Variants in NRG3 observed in about 807,000 individuals in gnomAD.
NRG3 encodes pro-neuregulin-3, membrane-bound isoform.
In NRG3, 31 loss-of-function variants were observed where a neutral mutation model predicts 66.9. That is an observed-to-expected ratio of 0.46 (90% CI 0.35 to 0.63). The LOEUF is 0.63. NRG3 is among the 20% of genes least tolerant of loss of function. NRG3 has a pLI of 0.00. For synonymous variants in NRG3, 393 were observed against 359.4 expected, an observed-to-expected ratio of 1.09 and a Z score of -1.06; for missense variants, 910 against 878.9, an observed-to-expected ratio of 1.04 and a Z score of -0.45.
At chr10:81,876,441 C>G (rs940072574) in intron 1 of NRG3, among the ~76,000 whole-genome samples, 5 of 152,198 alleles carry the variant, frequency 3.3e-5, no homozygotes, top group African/African-American at 1.2e-4. Flanking sequence ...TCTCCCAACT[C>G]CCTTCAAAGG....
At chr10:82,515,370 A>G (rs1845559695) in intron 2 of NRG3, among the ~76,000 whole-genome samples, 1 of 152,220 alleles carries the variant, frequency 6.6e-6, no homozygotes, top group African/African-American at 2.4e-5. Flanking sequence ...TTCATCTGTT[A>G]GGAGATTACC....
chr10:81,884,014 C>A (rs1282581897), intron 1 of NRG3, among the ~76,000 whole-genome samples: 1 of 152,164 alleles, frequency 6.6e-6, no homozygotes, highest in Non-Finnish European at 1.5e-5. Context: ...GATTGAAAAA[C>A]AATCATATCT....
chr10:82,355,374 T>A (rs1258215133), intron 1 of NRG3, among the ~76,000 whole-genome samples: 1 of 152,226 alleles, frequency 6.6e-6, no homozygotes, highest in Non-Finnish European at 1.5e-5. Context: ...TACATTTTAT[T>A]TTTGGCTCAT....
chr10:82,720,835 A>ATC (rs1233335343), intron 2 of NRG3, among the ~76,000 whole-genome samples: 21 of 96,774 alleles, frequency 2.2e-4, no homozygotes, highest in Non-Finnish European at 3.9e-4. Flanking sequence ...ATATATATAT[A>ATC]TATATATCAC....
At chr10:82,399,900 A>T (rs564513101) in intron 2 of NRG3, among the ~76,000 whole-genome samples, 1 of 152,294 alleles carries the variant, frequency 6.6e-6, no homozygotes, top group Admixed American at 6.5e-5. Context: ...AAATATATAA[A>T]TTTATCTACA....
chr10:82,020,244 TAAGAA>T (rs1366738509), intron 1 of NRG3, among the ~76,000 whole-genome samples: 13 of 152,168 alleles, frequency 8.5e-5, no homozygotes, highest in Non-Finnish European at 1.8e-4. Flanking sequence ...CAATTTACTT[TAAGAA>T]AAGAAATCAC....
chr10:82,465,687 G>T (rs892523873), intron 2 of NRG3, among the ~76,000 whole-genome samples: 1 of 152,124 alleles, frequency 6.6e-6, no homozygotes, highest in Non-Finnish European at 1.5e-5. Context: ...CTTAGGGGGT[G>T]GGGGGCAGCA....
intron 2 of NRG3, among the ~76,000 whole-genome samples, chr10:82,450,663 G>A (rs904491607): frequency 6.6e-6 from 1 of 152,078 alleles, no homozygotes; most frequent in East Asian, 1.9e-4. Flanking sequence ...CTCTGCTCAG[G>A]TGGATTTTTA....
intron 4 of NRG3, among the ~76,000 whole-genome samples, chr10:82,925,916 C>A (rs964387474): frequency 1.3e-5 from 2 of 152,202 alleles, no homozygotes. Flanking sequence ...GATGGCAAGG[C>A]AAGCAGGGCA....
intron 1 of NRG3, among the ~76,000 whole-genome samples, chr10:82,127,616 A>G (rs1430689122): frequency 6.6e-6 from 1 of 152,034 alleles, no homozygotes; most frequent in Admixed American, 6.6e-5. Context: ...CCTTGTAAAT[A>G]TGCACAGTAA....
intron 1 of NRG3, among the ~76,000 whole-genome samples, chr10:82,128,624 G>A (rs2068612737): frequency 6.6e-6 from 1 of 151,964 alleles, no homozygotes; most frequent in South Asian, 2.1e-4. Flanking sequence ...TGACATTTCT[G>A]ATACCCATGA....
intron 1 of NRG3, among the ~76,000 whole-genome samples, chr10:82,190,044 G>A (rs1260480556): frequency 6.6e-6 from 1 of 152,106 alleles, no homozygotes; most frequent in Admixed American, 6.5e-5. Flanking sequence ...AAGCAATATG[G>A]CATGCAGTTC....
chr10:82,921,040 G>A (rs1371713213), intron 4 of NRG3, among the ~76,000 whole-genome samples: 2 of 151,614 alleles, frequency 1.3e-5, no homozygotes, highest in South Asian at 2.1e-4. Flanking sequence ...TTCTTCCAGA[G>A]AGCAGTGTAT....
Position 82,985,385 on chromosome 10 carries a change from A to C in NRG3, c.1871A>C (p.Gln624Pro), listed in dbSNP as rs1434500208. ...IPVSDCLIAE[Q>P]QEVKILLETV... ...GTCAGCGATTGTCTTATAGCAGAACAACAAGAAGTGAAAATATTGCTAGAA... is the reference window on the plus strand; with the variant it reads ...GTCAGCGATTGTCTTATAGCAGAACCACAAGAAGTGAAAATATTGCTAGAA... The change falls in exon 9 of 9, where the codon CAA (glutamine) becomes CCA (proline). Residue 624 changes from glutamine (Q) to proline (P), a missense_variant. Gln to Pro is a moderately conservative substitution (Grantham distance 76). Coordinates refer to ENST00000372141, the MANE Select transcript of NRG3 (RefSeq NM_001010848.4). 1 of 1,614,060 alleles carries C rather than the reference A, an allele frequency of 6.2e-7. No homozygotes were observed. Among genetic ancestry groups the C allele is most frequent in the Non-Finnish European group, 8.5e-7 (1 of 1,180,008 alleles).
intron 2 of NRG3, among the ~76,000 whole-genome samples, chr10:82,567,343 C>T (rs116950971): frequency 0.012 from 1,787 of 151,980 alleles, 16 homozygotes; most frequent in Non-Finnish European, 0.02. Context: ...GATTAATAAT[C>T]AGGGTTTGCA....
At chr10:82,856,472 C>T (rs1442013934) in intron 3 of NRG3, among the ~76,000 whole-genome samples, 1 of 151,988 alleles carries the variant, frequency 6.6e-6, no homozygotes, top group Non-Finnish European at 1.5e-5. Flanking sequence ...GGGCTGGGCA[C>T]AGTAGCTCAC....
chr10:82,276,195 A>G (rs1285777272), intron 1 of NRG3, among the ~76,000 whole-genome samples: 1 of 152,018 alleles, frequency 6.6e-6, no homozygotes, highest in Non-Finnish European at 1.5e-5. Context: ...CTGAATTCCT[A>G]TATAAATCTA....
chr10:82,389,704 G>A (rs958307108), intron 2 of NRG3, among the ~76,000 whole-genome samples: 22 of 152,098 alleles, frequency 1.4e-4, no homozygotes, highest in African/African-American at 5.3e-4. Context: ...CCAATAAATA[G>A]CTTTATACAT....
At chr10:81,890,829 C>G (rs1194569496) in intron 1 of NRG3, among the ~76,000 whole-genome samples, 2 of 152,142 alleles carry the variant, frequency 1.3e-5, no homozygotes, top group African/African-American at 4.8e-5. Flanking sequence ...TGCAAGCAAG[C>G]CATTGAGCAG....
Sources: allele counts gnomAD v4.1 joint callset (sites outside exome capture counted in the v4.1 genomes callset), GRCh38; gene constraint gnomAD v4.1.1; transcripts MANE v1.5; gene names NCBI Gene and HGNC (gene_info 2026-07-23, HGNC 2026-07-21).